Variants in LINGO2 observed in about 807,000 individuals in gnomAD.
The protein encoded by LINGO2 is leucine-rich repeat and immunoglobulin-like domain-containing nogo receptor-interacting protein 2.
Under a neutral mutation model 30.6 loss-of-function variants are expected in LINGO2, and 14 were observed. The ratio of observed to expected loss-of-function variants is 0.46; its 90% CI spans 0.30 to 0.72. LINGO2 has a LOEUF of 0.72. LINGO2 is among the 30% of genes least tolerant of loss of function. The pLI is 0.07. For synonymous variants in LINGO2, 317 were observed against 288.5 expected (o/e 1.10, Z -1.00); for missense variants, 729 against 751.7 (o/e 0.97, Z 0.35).
At chr9:29,006,813 A>G in the LINGO2 span, among the ~76,000 whole-genome samples, 11 of 152,076 alleles carry the variant, frequency 7.2e-5, no homozygotes, top group Non-Finnish European at 1.3e-4. Context: ...TAAGTGAACG[A>G]AAAATCTCAG....
intron 5 of LINGO2, among the ~76,000 whole-genome samples, chr9:27,999,753 G>A (rs1482489361): frequency 6.6e-6 from 1 of 152,136 alleles, no homozygotes; most frequent in Admixed American, 6.5e-5. Flanking sequence ...TAGATTAGGA[G>A]AGAGGTAGAT....
chr9:27,955,169 C>A (rs1004949884), intron 5 of LINGO2, among the ~76,000 whole-genome samples: 2 of 152,110 alleles, frequency 1.3e-5, no homozygotes, highest in East Asian at 1.9e-4. Flanking sequence ...TCAACTAAGT[C>A]ATTTATTTAG....
rs897550984 is a variant in LINGO2, at chr9:28,425,302, G to A, written c.-279+50638C>T. ...TATGTGTGTATATGTATATATACAT[G>A]TGTATACACAGTATATATGTGTGTG... On this transcript the variant is annotated intron_variant, in intron 2 of 5. Transcript: ENST00000379992. 2.1e-5 allele frequency among the ~76,000 whole-genome samples: 3 copies of A among 143,074 alleles called. No individual in the cohort carries two copies. In the Admixed American group the frequency reaches 2.1e-4, roughly 10 times the overall value. 93.9% of individuals were successfully genotyped at this position (143,074 alleles called of 152,430 possible).
chr9:28,378,233 A>G (rs941118006), intron 2 of LINGO2, among the ~76,000 whole-genome samples: 24 of 152,306 alleles, frequency 1.6e-4, no homozygotes, highest in African/African-American at 5.5e-4. Flanking sequence ...GTGAGGCAGA[A>G]AATAGTTGCT....
Position 28,147,658 on chromosome 9 carries a change from G to A in LINGO2, c.-86-135253C>T, listed in dbSNP as rs1827851962. On this transcript the variant is annotated intron_variant, in intron 4 of 5. Transcript: ENST00000379992. The surrounding 1 kb of genome is among the most constrained non-coding windows in gnomAD (Gnocchi z 4.7). ...CCTGGGCGAGGTGCCAGGTGGAAGGGCTCTGGCGGATCAGCCCCGCACCCC... is the reference window on the plus strand; with the variant it reads ...CCTGGGCGAGGTGCCAGGTGGAAGGACTCTGGCGGATCAGCCCCGCACCCC... 6.6e-6 allele frequency among the ~76,000 whole-genome samples: 1 copy of A among 152,146 alleles called. No homozygotes were observed. The highest frequency in any genetic ancestry group is 2.4e-5 in the African/African-American group (1 of 41,452).
chr9:28,947,962 C>A, the LINGO2 span, among the ~76,000 whole-genome samples: 1 of 152,016 alleles, frequency 6.6e-6, no homozygotes, highest in Non-Finnish European at 1.5e-5. Flanking sequence ...AAATAAAAAC[C>A]TAGCTTCTTT....
At chr9:28,604,362 A>T (rs1469258775) in intron 1 of LINGO2, among the ~76,000 whole-genome samples, 8 of 152,098 alleles carry the variant, frequency 5.3e-5, no homozygotes, top group African/African-American at 1.9e-4. Flanking sequence ...GACTTAGGGA[A>T]GCCTAATCTT....
the LINGO2 span, among the ~76,000 whole-genome samples, chr9:28,889,617 T>C: frequency 6.6e-6 from 1 of 152,200 alleles, no homozygotes; most frequent in Non-Finnish European, 1.5e-5. Flanking sequence ...TACTGTAAAT[T>C]TTAAATGTAT....
chr9:28,637,857 T>G (rs1588003318), intron 1 of LINGO2, among the ~76,000 whole-genome samples: 1 of 152,182 alleles, frequency 6.6e-6, no homozygotes, highest in Non-Finnish European at 1.5e-5. Flanking sequence ...TCCAACACTA[T>G]GTTGAAAAGG....
chr9:28,784,011 G>A, the LINGO2 span, among the ~76,000 whole-genome samples: 4 of 152,006 alleles, frequency 2.6e-5, no homozygotes, highest in East Asian at 1.9e-4. Flanking sequence ...AATTATCTTC[G>A]AAAGTCCCCA....
chr9:28,813,426 T>C, the LINGO2 span, among the ~76,000 whole-genome samples: 30 of 152,242 alleles, frequency 2.0e-4, no homozygotes, highest in African/African-American at 6.0e-4. Flanking sequence ...CCATAGCTTA[T>C]TGTACTGTAC....
At position 28,605,628 on chromosome 9, in the gene LINGO2, G is replaced by A. The variant is rs544404717; in HGVS notation, c.-365+64572C>T. On this transcript the variant is annotated intron_variant, in intron 1 of 5. Transcript: ENST00000379992. ...CTTTTAAGGCAAATAACAATCTCAAGCGTTTTAGCCTAAGTTAAGCTTCTT... is the reference window on the plus strand; with the variant it reads ...CTTTTAAGGCAAATAACAATCTCAAACGTTTTAGCCTAAGTTAAGCTTCTT... Among the ~76,000 whole-genome samples the A allele has an allele frequency of 1.6e-4, 25 of 152,108 alleles. No individual in the cohort carries two copies. In the South Asian group the frequency reaches 5.0e-3, roughly 30 times the overall value.
chr9:28,092,972 C>A (rs1322102976), intron 4 of LINGO2, among the ~76,000 whole-genome samples: 1 of 151,982 alleles, frequency 6.6e-6, no homozygotes. Flanking sequence ...AGTGCTATCA[C>A]CATTTCCATT....
At chr9:29,137,013 CT>C in the LINGO2 span, among the ~76,000 whole-genome samples, 1 of 152,132 alleles carries the variant, frequency 6.6e-6, no homozygotes, top group Non-Finnish European at 1.5e-5. Context: ...CTCTCATTGT[CT>C]AGTCCAAGAA....
At chr9:29,185,346 A>T in the LINGO2 span, among the ~76,000 whole-genome samples, 1 of 152,252 alleles carries the variant, frequency 6.6e-6, no homozygotes, top group African/African-American at 2.4e-5. Context: ...GAAAAATTGC[A>T]AATCACATTG....
the LINGO2 span, among the ~76,000 whole-genome samples, chr9:28,694,534 A>G: frequency 1.3e-5 from 2 of 152,004 alleles, no homozygotes; most frequent in South Asian, 2.1e-4. Flanking sequence ...GCTTACTTAC[A>G]ACCTCAAAAA....
In LINGO2 at chr9:28,232,134, C is replaced by T. The variant is rs575018767; in HGVS notation, c.-87+63074G>A. ...TGAAAAGAGGCTGGGCACGGTGGCTCATGCCTGTAATCCAAGAACTTTGGG... is the reference window on the plus strand; with the variant it reads ...TGAAAAGAGGCTGGGCACGGTGGCTTATGCCTGTAATCCAAGAACTTTGGG... On this transcript the variant is annotated intron_variant, in intron 4 of 5. Transcript: ENST00000379992. Among the ~76,000 whole-genome samples, 5 of 152,040 alleles carry T rather than the reference C, an allele frequency of 3.3e-5. No homozygotes were observed. The South Asian group carries it at 6.2e-4, about 19-fold the overall frequency.
the LINGO2 span, among the ~76,000 whole-genome samples, chr9:29,204,510 ACCC>A: frequency 1.2e-4 from 19 of 152,338 alleles, no homozygotes; most frequent in East Asian, 3.3e-3. Context: ...CAAAAGAGGT[ACCC>A]AATAAACACC....
chr9:28,341,495 A>G (rs1825763679), intron 3 of LINGO2, among the ~76,000 whole-genome samples: 1 of 152,104 alleles, frequency 6.6e-6, no homozygotes, highest in South Asian at 2.1e-4. Context: ...TGCACTTTAC[A>G]GTGATGAGGA....
Sources: gnomAD v4.1 joint callset for allele counts (sites outside exome capture counted in the v4.1 genomes callset) on GRCh38, gnomAD v4.1.1 for gene constraint, Gnocchi (gnomAD v3.1) non-coding constraint, MANE v1.5 for transcripts, NCBI Gene and HGNC (gene_info 2026-07-23, HGNC 2026-07-21) for gene names.